Variants in PABIR3 observed in about 807,000 individuals in gnomAD.
The protein encoded by PABIR3 is PABIR family member 3, also known as PABIR family member 1.
Under a neutral mutation model 23.1 loss-of-function variants are expected in PABIR3, and 20 were observed. The ratio of observed to expected loss-of-function variants is 0.86; its 90% CI spans 0.61 to 1.26. The LOEUF (loss-of-function observed/expected upper bound fraction) is 1.26, where lower values mean the gene tolerates loss of function less well. Among genes scored for constraint, PABIR3 ranks in the 50% most tolerant of loss-of-function variants. The pLI is 0.00. For synonymous variants in PABIR3, 69 were observed against 68.5 expected (o/e 1.01, Z -0.04); for missense variants, 189 against 195.4 (o/e 0.97, Z 0.20).
chrX:134,861,010 C>A, the PABIR3 span, among the ~76,000 whole-genome samples: 1 of 112,258 alleles, frequency 8.9e-6, no homozygotes, highest in Middle Eastern at 4.2e-3. Flanking sequence ...GGCACAGTGG[C>A]TCACGCCTAT....
intron 4 of PABIR3, among the ~76,000 whole-genome samples, 165 bp from the exon 5 acceptor site, chrX:134,845,040 A>C (rs2082388113): frequency 1.8e-5 from 2 of 112,199 alleles, no homozygotes; most frequent in Non-Finnish European, 3.8e-5. Flanking sequence ...ATAATTTGTG[A>C]AGCAATAAAG....
chrX:134,838,452 T>C (rs891462742), intron 4 of PABIR3, among the ~76,000 whole-genome samples: 1 of 108,089 alleles, frequency 9.3e-6, no homozygotes, highest in Non-Finnish European at 1.9e-5. Context: ...TAGCTGGGAC[T>C]ACAGGCACCT....
At chrX:134,825,833 T>TC (rs1169691587) in intron 3 of PABIR3, among the ~76,000 whole-genome samples, 2 of 101,495 alleles carry the variant, frequency 2.0e-5, no homozygotes, top group Non-Finnish European at 2.0e-5. Context: ...CGGATCTTTT[T>TC]TTTTTTTTTT....
chrX:134,814,766 T>C lies in PABIR3; in HGVS notation c.111-5T>C. ...TATAACACATGTTTTTGTTTTTCTT[T>C]TTAGTTTTAATTCACAGGTGTTGCA... On this transcript the variant is annotated splice_polypyrimidine_tract_variant and splice_region_variant and intron_variant, in intron 2 of 10. Transcript: ENST00000645433. The C allele has an allele frequency of 8.5e-7, 1 of 1,170,334 alleles. No homozygotes were observed. The highest frequency in any genetic ancestry group is 1.1e-6 in the Non-Finnish European group (1 of 872,732).
downstream of PABIR3, among the ~76,000 whole-genome samples, chrX:134,856,188 A>ATT (rs150416913): frequency 0.01 from 969 of 95,238 alleles, 9 homozygotes; most frequent in Non-Finnish European, 0.015. Context: ...CTATTCAGTT[A>ATT]TTTTTTTTTT....
At chrX:134,843,873 C>T (rs2082341682) in intron 4 of PABIR3, among the ~76,000 whole-genome samples, 1 of 104,711 alleles carries the variant, frequency 9.6e-6, no homozygotes, top group Non-Finnish European at 1.9e-5. Flanking sequence ...GGCTTGAAGG[C>T]TTATTTCTGT....
At chrX:134,828,010 GCTCTCT>G (rs1167724649) in intron 3 of PABIR3, among the ~76,000 whole-genome samples, 72 of 61,244 alleles carry the variant, frequency 1.2e-3, no homozygotes, top group South Asian at 2.5e-3. Flanking sequence ...CTAGCTCAGT[GCTCTCT>G]CTCTCTCTCT....
intron 3 of PABIR3, among the ~76,000 whole-genome samples, chrX:134,820,738 A>T (rs1033557842): frequency 1.8e-5 from 2 of 111,182 alleles, no homozygotes; most frequent in Non-Finnish European, 3.8e-5. Context: ...TGGGTAAAAC[A>T]GGCTGGGCAC....
At chrX:134,861,041 C>T in the PABIR3 span, among the ~76,000 whole-genome samples, 1 of 111,752 alleles carries the variant, frequency 8.9e-6, no homozygotes, top group African/African-American at 3.3e-5. Flanking sequence ...CTTTGGGAGG[C>T]TGAGGCGGGC....
At chrX:134,822,771 C>T (rs764448237) in intron 3 of PABIR3, 4 of 367,045 alleles carry the variant, frequency 1.1e-5, no homozygotes, top group East Asian at 4.1e-4. Flanking sequence ...TCTACTTGAG[C>T]GGGGAGGATG....
At chrX:134,803,499 A>G (rs1434914089), upstream of PABIR3, among the ~76,000 whole-genome samples, 2 of 112,512 alleles carry the variant, frequency 1.8e-5, no homozygotes. Flanking sequence ...CCTCTTTTCA[A>G]TTATCCCATA....
intron 1 of PABIR3, among the ~76,000 whole-genome samples, chrX:134,802,126 C>G (rs2080083814): frequency 9.1e-6 from 1 of 109,765 alleles, no homozygotes; most frequent in South Asian, 4.0e-4. Context: ...CTTTGTCGCC[C>G]AGGCTGGAGT....
chrX:134,838,380 C>T (rs1434942337), intron 4 of PABIR3, among the ~76,000 whole-genome samples: 3 of 108,670 alleles, frequency 2.8e-5, no homozygotes, highest in South Asian at 4.0e-4. Flanking sequence ...GTGGCGCAAT[C>T]TCGGCTCACT....
chrX:134,846,097 T>C (rs1477432092), intron 6 of PABIR3, among the ~76,000 whole-genome samples: 1 of 111,738 alleles, frequency 8.9e-6, no homozygotes, highest in African/African-American at 3.3e-5. Context: ...AAACTTACGA[T>C]TATGGCAGAA....
intron 1 of PABIR3, among the ~76,000 whole-genome samples, chrX:134,798,150 C>G (rs940675189): frequency 8.9e-6 from 1 of 112,267 alleles, no homozygotes; most frequent in African/African-American, 3.2e-5. Context: ...TAACAAACAC[C>G]TACATAACAC....
downstream of PABIR3, among the ~76,000 whole-genome samples, chrX:134,855,729 G>A (rs1305330184): frequency 8.9e-6 from 1 of 111,873 alleles, no homozygotes; most frequent in Non-Finnish European, 1.9e-5. Context: ...TGATATATAA[G>A]TGGGAGAAGA....
chrX:134,845,367 A>G lies in PABIR3; in HGVS notation c.311A>G (p.Gln104Arg). Residue 104 changes from glutamine (Q) to arginine (R), a missense_variant, in exon 6 of 11, where the codon CAG becomes CGG. Physicochemically the swap from Gln to Arg is conservative, Grantham distance 43 (BLOSUM62 1). Transcript: ENST00000645433. Reference protein sequence around the residue: ...MSEWKLQSEIQISHSWEEGLK... With the variant: ...MSEWKLQSEIRISHSWEEGLK... ...TGTAGGAAGCTACAAAGTGAGATAC[A>G]GATAAGTCACTCTTGGGAAGAAGGC... The G allele has an allele frequency of 1.7e-6, 2 of 1,206,095 alleles. No individual in the cohort carries two copies. The highest frequency in any genetic ancestry group is 2.2e-6 in the Non-Finnish European group (2 of 893,719).
At chrX:134,862,122 G>GT in the PABIR3 span, among the ~76,000 whole-genome samples, 5 of 56,643 alleles carry the variant, frequency 8.8e-5, no homozygotes, top group African/African-American at 3.3e-4. Flanking sequence ...TCTCGTTTTT[G>GT]TTTTTTTGTT....
chrX:134,821,088 G>GTGTATA (rs748164853), intron 3 of PABIR3, among the ~76,000 whole-genome samples: 16 of 96,834 alleles, frequency 1.7e-4, no homozygotes, highest in Middle Eastern at 5.3e-3. Flanking sequence ...GTGTGTGTGT[G>GTGTATA]TATATATATA....
Sources: gnomAD v4.1 joint callset for allele counts (sites outside exome capture counted in the v4.1 genomes callset) on GRCh38, gnomAD v4.1.1 for gene constraint, MANE v1.5 for transcripts, NCBI Gene and HGNC (gene_info 2026-07-23, HGNC 2026-07-21) for gene names.